MYO16: variants seen among roughly 807,000 people sequenced by gnomAD.
MYO16 encodes the protein myosin XVI.
A neutral mutation model predicts 205.3 loss-of-function variants in MYO16; 94 were observed. That is an observed-to-expected ratio of 0.46 (90% CI 0.39 to 0.54). The LOEUF is 0.54. Among genes scored for constraint, MYO16 ranks in the 20% least tolerant of loss-of-function variants. The pLI is 0.00. For missense variants in MYO16, 2,315 were observed against 2,387.5 expected (o/e 0.97, Z 0.63); for synonymous variants, 988 against 954.0 (o/e 1.04, Z -0.66).
intron 2 of MYO16, among the ~76,000 whole-genome samples, chr13:108,670,617 C>A (rs1350754586): frequency 6.6e-6 from 1 of 151,648 alleles, no homozygotes; most frequent in Non-Finnish European, 1.5e-5. Flanking sequence ...TAAATGGGAC[C>A]TATAGAAAAA....
chr13:109,019,179 A>T (rs1885936741), intron 22 of MYO16, among the ~76,000 whole-genome samples: 1 of 151,962 alleles, frequency 6.6e-6, no homozygotes, highest in African/African-American at 2.4e-5. Context: ...AGGTCTTACC[A>T]TGTTTCCCAG....
chr13:108,806,832 A>T (rs756323378), intron 7 of MYO16, 28 bp downstream of exon 7: 11 of 1,404,558 alleles, frequency 7.8e-6, no homozygotes, highest in Non-Finnish European at 1.0e-5. Context: ...ATTCTTTAAA[A>T]AATAATTTTA....
At chr13:108,797,037 G>A (rs1886816820) in intron 6 of MYO16, among the ~76,000 whole-genome samples, 1 of 152,150 alleles carries the variant, frequency 6.6e-6, no homozygotes, top group Non-Finnish European at 1.5e-5. Flanking sequence ...TCAGTAATGT[G>A]GCTCAGACAA....
At chr13:108,658,202 GT>G (rs1247699795) in intron 1 of MYO16, among the ~76,000 whole-genome samples, 1 of 151,958 alleles carries the variant, frequency 6.6e-6, no homozygotes. Context: ...TTGTTTGTTT[GT>G]TTTTATTTCT....
chr13:108,504,144 T>C, the MYO16 span, among the ~76,000 whole-genome samples: 1 of 152,202 alleles, frequency 6.6e-6, no homozygotes, highest in Non-Finnish European at 1.5e-5. Flanking sequence ...TTTTTTGTGA[T>C]GGAGCCTTGC....
intron 29 of MYO16, 32 bp downstream of exon 29, chr13:109,120,498 A>G: frequency 6.4e-7 from 1 of 1,555,412 alleles, no homozygotes; most frequent in East Asian, 2.3e-5. Flanking sequence ...TTCTGAATTT[A>G]TTTGAGTTGT....
chr13:108,559,725 C>T, the MYO16 span, among the ~76,000 whole-genome samples: 446 of 152,112 alleles, frequency 2.9e-3, 5 homozygotes, highest in African/African-American at 0.01. Flanking sequence ...CCACCTCAGC[C>T]TCCCAAAGTG....
upstream of MYO16, among the ~76,000 whole-genome samples, chr13:108,595,881 C>CTTTTT (rs67620613): frequency 4.0e-4 from 43 of 108,304 alleles, 2 homozygotes; most frequent in Admixed American, 1.5e-3. Flanking sequence ...AAATTAAGTC[C>CTTTTT]TTTTTTTTTT....
chr13:108,649,903 G>A (rs1880923440), intron 1 of MYO16, among the ~76,000 whole-genome samples: 1 of 152,102 alleles, frequency 6.6e-6, no homozygotes, highest in Admixed American at 6.5e-5. Flanking sequence ...TTAATAAAAA[G>A]CGGAATGAAA....
intron 13 of MYO16, among the ~76,000 whole-genome samples, chr13:108,883,487 A>G (rs1263398904): frequency 1.3e-5 from 2 of 152,198 alleles, no homozygotes; most frequent in Non-Finnish European, 2.9e-5. Flanking sequence ...GGAGAAAGAA[A>G]AACTACCAAT....
rs144526574 is a variant in MYO16, at chr13:109,125,540, T to C, written c.3782+182T>C. On this transcript the variant is annotated intron_variant, in intron 30 of 34. Coordinates refer to ENST00000457511, the MANE Select transcript of MYO16 (RefSeq NM_001198950.3). The surrounding 1 kb of genome is among the most constrained non-coding windows in gnomAD (Gnocchi z 4.0). ...AAAGATGCTTTCCTGTGCTGTCTTC[T>C]CACGAGTTCAAGGCTTTCTGTGTTC... is the stretch of plus-strand genomic sequence containing the variant. Among the ~76,000 whole-genome samples, 125 of 152,310 alleles carry C rather than the reference T, an allele frequency of 8.2e-4. No homozygotes were observed. Among genetic ancestry groups the C allele is most frequent in the African/African-American group, 3.0e-3 (124 of 41,574 alleles).
chr13:109,156,792 G>A (rs951485571), intron 32 of MYO16, among the ~76,000 whole-genome samples: 2 of 151,946 alleles, frequency 1.3e-5, no homozygotes, highest in African/African-American at 2.4e-5. Context: ...CCTCCTGCAC[G>A]CCCACATCTG....
chr13:108,984,520 G>A (rs1055597630), intron 20 of MYO16, among the ~76,000 whole-genome samples: 5 of 152,156 alleles, frequency 3.3e-5, no homozygotes, highest in African/African-American at 1.2e-4. Flanking sequence ...TCTTTTCAGT[G>A]GTTGGTAATC....
intron 4 of MYO16, among the ~76,000 whole-genome samples, chr13:108,746,965 T>C (rs921373878): frequency 3.6e-4 from 55 of 152,180 alleles, no homozygotes; most frequent in Non-Finnish European, 8.8e-5. Context: ...AATGGGCTTC[T>C]CTCTAGAAAT....
chr13:108,670,437 A>T (rs1018592994), intron 2 of MYO16, among the ~76,000 whole-genome samples: 1 of 152,170 alleles, frequency 6.6e-6, no homozygotes, highest in South Asian at 2.1e-4. Flanking sequence ...AGAATGGCAG[A>T]TGTGGTATGA....
At chr13:109,154,703 C>G (rs1181929946) in intron 32 of MYO16, among the ~76,000 whole-genome samples, 1 of 151,888 alleles carries the variant, frequency 6.6e-6, no homozygotes, top group African/African-American at 2.4e-5. Context: ...CATTTCCCTC[C>G]AGGAAAACAT....
rs565680033 is a variant in MYO16 at position 109,120,636 on chromosome 13, G to A, written c.3535+170G>A. Among the ~76,000 whole-genome samples the A allele has an allele frequency of 5.3e-5, 8 of 152,322 alleles. 1 individual carries two copies. Among genetic ancestry groups the A allele is most frequent in the African/African-American group, 1.9e-4 (8 of 41,564 alleles). On this transcript the variant is annotated intron_variant, in intron 29 of 34. Coordinates refer to ENST00000457511, the MANE Select transcript of MYO16 (RefSeq NM_001198950.3). ...AGTTTTTGGGTGTTTAGGAAGCATT[G>A]TGGCTTAGTTTGCTATGCAACCATC...
chr13:108,624,014 AG>A (rs1344099430), intron 1 of MYO16, among the ~76,000 whole-genome samples: 10 of 152,174 alleles, frequency 6.6e-5, no homozygotes, highest in African/African-American at 1.9e-4. Flanking sequence ...GAATTTGAAT[AG>A]GTAACTTAGT....
chr13:108,782,844 C>T (rs921617390), intron 4 of MYO16, among the ~76,000 whole-genome samples: 2 of 152,126 alleles, frequency 1.3e-5, no homozygotes, highest in African/African-American at 4.8e-5. Flanking sequence ...ATTGAGCCTG[C>T]AGGTAGACAG....
Sources: gnomAD v4.1 joint callset for allele counts (sites outside exome capture counted in the v4.1 genomes callset) on GRCh38, gnomAD v4.1.1 for gene constraint, Gnocchi (gnomAD v3.1) non-coding constraint, MANE v1.5 for transcripts, NCBI Gene and HGNC (gene_info 2026-07-23, HGNC 2026-07-21) for gene names.